Variants in NUP210L observed in about 807,000 individuals in gnomAD.
NUP210L encodes the protein nucleoporin 210 like.
Under a neutral mutation model 208.5 loss-of-function variants are expected in NUP210L, and 74 were observed. The ratio of observed to expected loss-of-function variants is 0.35; its 90% CI spans 0.29 to 0.43. NUP210L has a LOEUF of 0.43. Among genes scored for constraint, NUP210L ranks in the 20% least tolerant of loss-of-function variants. The pLI, the probability that NUP210L is intolerant of heterozygous loss-of-function variation, is 1.00. For missense variants in NUP210L, 1,843 were observed against 2,289.4 expected (o/e 0.81, Z 3.98); for synonymous variants, 780 against 816.9 (o/e 0.95, Z 0.77).
At chr1:154,125,738 G>GAC (rs1239045935) in intron 10 of NUP210L, among the ~76,000 whole-genome samples, 1 of 12,358 alleles carries the variant, frequency 8.1e-5, no homozygotes, top group African/African-American at 1.5e-4. Context: ...AGGAAGGAAG[G>GAC]GAGGGAGGGA....
At chr1:154,036,330 G>A (rs1282661756) in intron 27 of NUP210L, among the ~76,000 whole-genome samples, 3 of 131,266 alleles carry the variant, frequency 2.3e-5, no homozygotes, top group East Asian at 2.0e-4. Context: ...GTGTGTGTGT[G>A]TGTGTGTGTG....
chr1:154,154,982 T>C (rs746505285), exon 1 of NUP210L: 2 of 1,613,992 alleles, frequency 1.2e-6, no homozygotes, highest in Non-Finnish European at 1.7e-6. Context: ...GGAGGCGGTG[T>C]AGACGCAAGA....
intron 27 of NUP210L, among the ~76,000 whole-genome samples, chr1:154,030,929 C>G (rs1652180483): frequency 6.6e-6 from 1 of 151,884 alleles, no homozygotes; most frequent in African/African-American, 2.4e-5. Context: ...ATTCTTTTTT[C>G]TAAAAACAGG....
chr1:154,143,294 C>T lies in NUP210L; in HGVS notation c.472+152G>A, dbSNP rs1658950563. ...TGTAGTTAATACATTAAATTATACT[C>T]AGAATTATTATTCATCTATGAGCTC... On this transcript the variant is annotated intron_variant, in intron 3 of 39. Transcript: ENST00000368559. 3 of 574,072 alleles carry T rather than the reference C, an allele frequency of 5.2e-6. 1 individual carries two copies. Among genetic ancestry groups the T allele is most frequent in the South Asian group, 4.9e-5 (2 of 40,610 alleles). The allele number at this position is 574,072 out of a possible 1,614,324, so 35.6% of individuals were successfully genotyped here.
chr1:154,113,167 AAT>A (rs1553237739), intron 12 of NUP210L, among the ~76,000 whole-genome samples: 161 of 144,516 alleles, frequency 1.1e-3, no homozygotes, highest in African/African-American at 2.6e-3. Context: ...TAAAAAAAAA[AAT>A]ATATATATAT....
chr1:154,104,961 T>A (rs2494665), intron 12 of NUP210L, among the ~76,000 whole-genome samples: 148,665 of 152,128 alleles, frequency 0.98, 72,737 homozygotes, highest in East Asian at 1. Context: ...TGTGAGAGTT[T>A]CTCCTTCTTC....
At chr1:154,100,377 G>A (rs1404619793) in intron 13 of NUP210L, among the ~76,000 whole-genome samples, 1 of 150,818 alleles carries the variant, frequency 6.6e-6, no homozygotes, top group Non-Finnish European at 1.5e-5. Flanking sequence ...CTTGAGCCCA[G>A]GAGGTCAAGG....
intron 29 of NUP210L, among the ~76,000 whole-genome samples, chr1:154,027,080 C>A (rs1226668763): frequency 9.8e-5 from 10 of 101,730 alleles, no homozygotes; most frequent in South Asian, 3.2e-4. Context: ...GAGACTGTCT[C>A]AAAAAAAAAA....
chr1:154,070,439 T>C (rs1469600567), exon 17 of NUP210L: 2 of 1,594,322 alleles, frequency 1.3e-6, no homozygotes, highest in Admixed American at 3.6e-5. Context: ...GTTCCAGGAC[T>C]GTGTCCCTCA....
intron 16 of NUP210L, among the ~76,000 whole-genome samples, chr1:154,078,220 G>T (rs1251356063): frequency 6.6e-6 from 1 of 151,874 alleles, no homozygotes; most frequent in Non-Finnish European, 1.5e-5. Context: ...GGGAGGCTGG[G>T]GTGGGAGGAT....
intron 25 of NUP210L, among the ~76,000 whole-genome samples, chr1:154,048,063 GAGGA>G (rs1422073352): frequency 6.6e-6 from 1 of 152,188 alleles, no homozygotes; most frequent in Non-Finnish European, 1.5e-5. Flanking sequence ...TGATGATGTG[GAGGA>G]AGGAAAGTAT....
chr1:154,105,644 A>G (rs564210928), intron 12 of NUP210L, among the ~76,000 whole-genome samples: 1 of 152,314 alleles, frequency 6.6e-6, no homozygotes, highest in South Asian at 2.1e-4. Context: ...TCTGCTTAAG[A>G]AAAGGAAATG....
intron 16 of NUP210L, among the ~76,000 whole-genome samples, chr1:154,080,432 G>A (rs1397366574): frequency 6.6e-6 from 1 of 151,824 alleles, no homozygotes; most frequent in African/African-American, 2.4e-5. Flanking sequence ...CCAGCACTTT[G>A]GGAGGCCAAG....
intron 2 of NUP210L, among the ~76,000 whole-genome samples, chr1:154,146,547 G>A (rs956501717): frequency 6.6e-5 from 10 of 151,590 alleles, no homozygotes; most frequent in African/African-American, 1.9e-4. Context: ...TGGAAGAATC[G>A]CTTGAGCCTG....
intron 2 of NUP210L, among the ~76,000 whole-genome samples, chr1:154,144,870 G>A (rs550474882): frequency 6.6e-6 from 1 of 152,292 alleles, no homozygotes; most frequent in Non-Finnish European, 1.5e-5. Context: ...TTGGGAGGCT[G>A]AGGCAGGGTA....
Position 154,023,103 on chromosome 1 carries a change from A to G in NUP210L, c.4298+19T>C. 2 of 1,607,626 alleles carry G rather than the reference A, an allele frequency of 1.2e-6. No homozygotes were observed. The highest frequency in any genetic ancestry group is 8.5e-7 in the Non-Finnish European group (1 of 1,175,104). On this transcript the variant is annotated intron_variant, in intron 31 of 39. Transcript: ENST00000368559. ...AGATTTCTACCATAGTGTCAATACC[A>G]TTCCTTTGACTTCCATACCTGTTCA...
chr1:154,065,114 AT>A (rs1654335014), intron 17 of NUP210L, among the ~76,000 whole-genome samples: 1 of 149,808 alleles, frequency 6.7e-6, no homozygotes, highest in Non-Finnish European at 1.5e-5. Flanking sequence ...ATAAAATAAA[AT>A]AAAATAAAAT....
chr1:154,073,270 G>T (rs1654852361), intron 16 of NUP210L, among the ~76,000 whole-genome samples: 1 of 152,044 alleles, frequency 6.6e-6, no homozygotes, highest in African/African-American at 2.4e-5. Context: ...TAGAGACGGG[G>T]TCTCACTGTG....
intron 37 of NUP210L, among the ~76,000 whole-genome samples, chr1:153,999,734 C>CA (rs1172554188): frequency 0.12 from 6,509 of 53,502 alleles, 489 homozygotes; most frequent in East Asian, 0.48. Flanking sequence ...AAGACTCTCT[C>CA]AAAAAAAAAA....
Sources: gnomAD v4.1 joint callset for allele counts (sites outside exome capture counted in the v4.1 genomes callset) on GRCh38, gnomAD v4.1.1 for gene constraint, MANE v1.5 for transcripts, NCBI Gene and HGNC (gene_info 2026-07-23, HGNC 2026-07-21) for gene names.